MCRS1: variants seen among roughly 807,000 people sequenced by gnomAD.
The protein encoded by MCRS1 is 58 kDa microspherule protein.
MCRS1 carries 22 observed loss-of-function variants against 62.9 expected under a neutral mutation model. The ratio of observed to expected loss-of-function variants is 0.35; its 90% CI spans 0.25 to 0.50. The LOEUF (loss-of-function observed/expected upper bound fraction) is 0.50, where lower values mean the gene tolerates loss of function less well. Ranked by LOEUF, MCRS1 falls within the 20% of genes least tolerant of loss-of-function variation. MCRS1 has a pLI of 0.98. For synonymous variants in MCRS1, 244 were observed against 233.5 expected (o/e 1.04, Z -0.41); for missense variants, 456 against 601.1 (o/e 0.76, Z 2.52).
At chr12:49,560,015 C>T in intron 9 of MCRS1, 48 bp from the exon 10 acceptor site, 2 of 1,613,056 alleles carry the variant, frequency 1.2e-6, no homozygotes, top group South Asian at 1.1e-5. Flanking sequence ...TTCAGCTTGC[C>T]TGTTACTTGG....
At position 49,566,012 on chromosome 12, in the gene MCRS1, T is replaced by C. The variant is rs1592529939; in HGVS notation, c.149+65A>G. The C allele has an allele frequency of 8.3e-6, 13 of 1,562,688 alleles. No homozygotes were observed. The South Asian group carries it at 1.3e-4, about 16-fold the overall frequency. ...GCCATTCCCAACAGATGGGGAGGCA[T>C]GTGGCACTTAACGCCACAGACCTTC... On this transcript the variant is annotated intron_variant, in intron 3 of 14. Coordinates refer to ENST00000343810, the MANE Select transcript of MCRS1 (RefSeq NM_006337.5).
rs982009522 is a variant in MCRS1, at chr12:49,558,590, G to C, written c.*53C>G. On this transcript the variant is annotated 3_prime_UTR_variant, in exon 15 of 15. Transcript: ENST00000343810. Reference sequence around the variant, plus strand: ...CCTGAGTTCCCAGCTCAAGGGGGCTGGAGTGGCAGGGGAAACAGGCCGGAG... The same window carrying C: ...CCTGAGTTCCCAGCTCAAGGGGGCTCGAGTGGCAGGGGAAACAGGCCGGAG... 6.4e-7 allele frequency: 1 copy of C among 1,574,050 alleles called. No individual in the cohort carries two copies. The highest frequency in any genetic ancestry group is 1.7e-5 in the Admixed American group (1 of 59,454).
chr12:49,559,952 C>T lies in MCRS1; in HGVS notation c.897G>A (p.Glu299=). 1 of 1,614,224 alleles carries T rather than the reference C, an allele frequency of 6.2e-7. No individual in the cohort carries two copies. The highest frequency in any genetic ancestry group is 2.2e-5 in the East Asian group (1 of 44,884). The change falls in exon 10 of 15, where the codon GAG becomes GAA. Residue 299 remains glutamate (E), a synonymous_variant. Coordinates refer to ENST00000343810, the MANE Select transcript of MCRS1 (RefSeq NM_006337.5). This position sits in a 1 kb window ranked among gnomAD's most constrained non-coding sequence, Gnocchi z 5.2. ...GGCCATACTTACCATGTTCCAGGAC[C>T]TCATCTCGCATGTCCCTGAGGGGCA... ...DDSKLKDMRD[E]VLEHELMVAD...
chr12:49,562,066 C>A (rs1437728506), intron 8 of MCRS1, among the ~76,000 whole-genome samples: 3 of 152,128 alleles, frequency 2.0e-5, no homozygotes, highest in Non-Finnish European at 2.9e-5. Context: ...AAGAGGGCTG[C>A]CCCCGGGCCA....
At chr12:49,560,119 G>A in intron 9 of MCRS1, 152 bp from the exon 10 acceptor site, 2 of 1,293,146 alleles carry the variant, frequency 1.5e-6, no homozygotes, top group South Asian at 1.2e-5. Flanking sequence ...GTTGGGCTGG[G>A]GATAAGGGTA....
intron 8 of MCRS1, among the ~76,000 whole-genome samples, chr12:49,562,467 T>G (rs1938819812): frequency 6.6e-6 from 1 of 151,922 alleles, no homozygotes; most frequent in Non-Finnish European, 1.5e-5. Context: ...GAAGTCCCAG[T>G]GGGGATTTAT....
At chr12:49,566,619 C>T in intron 2 of MCRS1, 103 bp downstream of exon 2, 2 of 1,561,970 alleles carry the variant, frequency 1.3e-6, no homozygotes, top group Non-Finnish European at 1.7e-6. Context: ...GGGGAGGTGG[C>T]AAGGCCTAGC....
intron 13 of MCRS1, 27 bp from the exon 14 acceptor site, chr12:49,558,997 T>A (rs753480671): frequency 6.2e-7 from 1 of 1,600,166 alleles, no homozygotes; most frequent in South Asian, 1.1e-5. Context: ...AAAGAAGGGA[T>A]GATGGGATGG....
In MCRS1 at chr12:49,559,341, T is replaced by C. The variant is rs149874141; in HGVS notation, c.1087-40A>G. On this transcript the variant is annotated intron_variant, in intron 12 of 14. Coordinates refer to ENST00000343810, the MANE Select transcript of MCRS1 (RefSeq NM_006337.5). This position sits in a 1 kb window ranked among gnomAD's most constrained non-coding sequence, Gnocchi z 5.2. ...CAGGTGAGGGCTGGGACCTGAAGAA[T>C]TGGGGGAGTAGGTCTATGCAGGCCA... 4.4e-6 allele frequency: 7 copies of C among 1,608,624 alleles called. No homozygotes were observed. The highest frequency in any genetic ancestry group is 2.2e-5 in the East Asian group (1 of 44,842).
intron 2 of MCRS1, 46 bp from the exon 3 acceptor site, chr12:49,566,261 G>C (rs749614744): frequency 1.9e-6 from 3 of 1,590,126 alleles, no homozygotes; most frequent in South Asian, 1.1e-5. Flanking sequence ...AGATCCTAGA[G>C]CCTCTGCAAA....
chr12:49,564,145 G>A (rs1415418935), intron 6 of MCRS1, among the ~76,000 whole-genome samples: 3 of 152,132 alleles, frequency 2.0e-5, no homozygotes, highest in African/African-American at 7.2e-5. Context: ...ATGTGGAAAG[G>A]CTGGAGGTGA....
intron 8 of MCRS1, among the ~76,000 whole-genome samples, chr12:49,562,733 G>C (rs1938834812): frequency 6.6e-6 from 1 of 152,126 alleles, no homozygotes; most frequent in African/African-American, 2.4e-5. Flanking sequence ...AAAAACAAAA[G>C]ACAAGAAATG....
chr12:49,564,800 C>G lies in MCRS1; in HGVS notation c.384G>C (p.Val128=). The change falls in exon 5 of 15, where the codon GTG becomes GTC. Residue 128 remains valine, a synonymous_variant. Coordinates refer to ENST00000343810, the MANE Select transcript of MCRS1 (RefSeq NM_006337.5). ...RVKKSKQPLQ[V]TKDLGRWKPA... Reference sequence around the variant, plus strand: ...GCTTCCAGCGGCCCAGATCCTTGGTCACCTGAAGTGGCTGTTTACTCTTCT... The same window carrying G: ...GCTTCCAGCGGCCCAGATCCTTGGTGACCTGAAGTGGCTGTTTACTCTTCT... 6.2e-7 allele frequency: 1 copy of G among 1,614,100 alleles called. No individual in the cohort carries two copies. Among genetic ancestry groups the G allele is most frequent in the South Asian group, 1.1e-5 (1 of 91,062 alleles).
At chr12:49,561,953 G>A (rs1938792036) in intron 8 of MCRS1, among the ~76,000 whole-genome samples, 1 of 152,212 alleles carries the variant, frequency 6.6e-6, no homozygotes, top group South Asian at 2.1e-4. Flanking sequence ...ACTAGCTTTA[G>A]CAGTAAAAAG....
Position 49,563,447 on chromosome 12 carries a change from T to C in MCRS1, c.657A>G (p.Lys219=), listed in dbSNP as rs1230708025. 1 of 1,612,170 alleles carries C rather than the reference T, an allele frequency of 6.2e-7. No individual in the cohort carries two copies. The highest frequency in any genetic ancestry group is 8.5e-7 in the Non-Finnish European group (1 of 1,179,434). Residue 219 remains lysine (K), a synonymous_variant, in exon 7 of 15, where the codon AAA becomes AAG. Transcript: ENST00000343810. ...FSKAEEQLLS[K]VGSTSQPTLE... is the part of the protein sequence containing the mutation. ...CAGCCCTCAGCCTTACCGATCCCAC[T>C]TTGCTCAGCAGCTGCTCCTCAGCCT...
At chr12:49,563,818 A>G (rs1938905864) in intron 6 of MCRS1, among the ~76,000 whole-genome samples, 1 of 152,190 alleles carries the variant, frequency 6.6e-6, no homozygotes, top group African/African-American at 2.4e-5. Flanking sequence ...TGCTCCCTCC[A>G]AGTCCTTCCT....
In MCRS1 at chr12:49,559,786, T is replaced by G; in HGVS notation, c.946A>C (p.Ile316Leu). The G allele has an allele frequency of 1.2e-6, 2 of 1,614,188 alleles. No homozygotes were observed. Among genetic ancestry groups the G allele is most frequent in the Non-Finnish European group, 1.7e-6 (2 of 1,180,016 alleles). Residue 316 changes from isoleucine to leucine, a missense_variant, in exon 11 of 15, where the codon ATT becomes CTT. Ile to Leu is a conservative substitution (Grantham distance 5). Around this residue, in one of 3 missense-constraint regions of MCRS1, gnomAD observed 393 missense variants for 523.5 expected, o/e 0.75. Transcript: ENST00000343810. This position sits in a 1 kb window ranked among gnomAD's most constrained non-coding sequence, Gnocchi z 5.2. ...TGCAGTTCCTGTTCCAGCTGCCGAA[T>G]CTCTCGCTTCTGGCGCCGGTCAGCC... ...MVADRRQKREIRQLEQELHKW... is the reference protein window; with the variant it reads ...MVADRRQKRELRQLEQELHKW...
Position 49,558,413 on chromosome 12 carries a change from T to C in MCRS1, c.*230A>G. 1 of 559,046 alleles carries C rather than the reference T, an allele frequency of 1.8e-6. No individual in the cohort carries two copies. Among genetic ancestry groups the C allele is most frequent in the East Asian group, 2.9e-5 (1 of 34,848 alleles). The allele number at this position is 559,046 out of a possible 1,614,324, so 34.6% of individuals were successfully genotyped here. ...TGGCAATGGGGGGTAGGGTTGTTTT[T>C]AGAGAGAGGAAGATGGGGAGGGGCT... On this transcript the variant is annotated 3_prime_UTR_variant, in exon 15 of 15. Coordinates refer to ENST00000343810, the MANE Select transcript of MCRS1 (RefSeq NM_006337.5).
rs746916247 is a variant in MCRS1, at chr12:49,559,009, G to A, written c.1175-39C>T. ...AAGAAAGAAGGGATGATGGGATGGG[G>A]AGGGATTGATGGGATGGGGAAAGGC... On this transcript the variant is annotated intron_variant, in intron 13 of 14. Coordinates refer to ENST00000343810, the MANE Select transcript of MCRS1 (RefSeq NM_006337.5). The surrounding 1 kb of genome is among the most constrained non-coding windows in gnomAD (Gnocchi z 5.2). The A allele has an allele frequency of 1.0e-5, 16 of 1,599,960 alleles. No individual in the cohort carries two copies. In the South Asian group the frequency reaches 1.1e-4, roughly 11 times the overall value.
Sources: allele counts gnomAD v4.1 joint callset (sites outside exome capture counted in the v4.1 genomes callset), GRCh38; gene constraint gnomAD v4.1.1; regional missense constraint gnomAD v4.1.1; non-coding constraint Gnocchi (gnomAD v3.1); transcripts MANE v1.5; gene names NCBI Gene and HGNC (gene_info 2026-07-23, HGNC 2026-07-21).